PTPN11: variants seen among roughly 807,000 people sequenced by gnomAD.
PTPN11 encodes tyrosine-protein phosphatase non-receptor type 11.
In PTPN11, 6 loss-of-function variants were observed where a neutral mutation model predicts 78.8. The ratio of observed to expected loss-of-function variants is 0.08; its 90% CI spans 0.04 to 0.15. The LOEUF is 0.15. Ranked by LOEUF, PTPN11 falls within the 10% of genes least tolerant of loss-of-function variation. The pLI is 1.00. For synonymous variants in PTPN11, 221 were observed against 263.5 expected (o/e 0.84, Z 1.56); for missense variants, 386 against 744.8 (o/e 0.52, Z 5.61).
At position 112,430,114 on chromosome 12, in the gene PTPN11, G is replaced by T. The variant is rs146217634; in HGVS notation, c.14+10989G>T. Among the ~76,000 whole-genome samples, 317 of 151,986 alleles carry T rather than the reference G, an allele frequency of 2.1e-3. 1 individual carries two copies. The highest frequency in any genetic ancestry group is 0.01 in the Middle Eastern group (3 of 294). On this transcript the variant is annotated intron_variant, in intron 1 of 15. Coordinates refer to ENST00000351677, the MANE Select transcript of PTPN11 (RefSeq NM_002834.5). ...CGGCTCACTGCAACCTCTGCCTCCT[G>T]AGTTCAAGTGATTCTTGTGCCTCAG... is the stretch of plus-strand genomic sequence containing the variant.
At chr12:112,500,134 C>T (rs2038858298) in intron 13 of PTPN11, among the ~76,000 whole-genome samples, 1 of 151,732 alleles carries the variant, frequency 6.6e-6, no homozygotes, top group South Asian at 2.1e-4. Flanking sequence ...ATCCCAGCTA[C>T]TTGGGAGGCT....
rs2038679762 is a variant in PTPN11, at chr12:112,486,565, C to T, written c.1315C>T (p.Leu439=). 6.2e-7 allele frequency: 1 copy of T among 1,613,980 alleles called. No homozygotes were observed. Among genetic ancestry groups the T allele is most frequent in the Non-Finnish European group, 8.5e-7 (1 of 1,180,040 alleles). Residue 439 remains leucine (L), a synonymous_variant, in exon 11 of 16, where the codon CTG becomes TTG. Coordinates refer to ENST00000351677, the MANE Select transcript of PTPN11 (RefSeq NM_002834.5). ...PSDPGGVLDF[L]EEVHHKQESI... is the part of the protein sequence containing the mutation. ...CGACCCTGGGGGCGTGCTGGACTTC[C>T]TGGAGGAGGTGCACCATAAGCAGGA...
Position 112,509,330 on chromosome 12 carries a change from T to C in PTPN11, c.*3538T>C, listed in dbSNP as rs759758035. On this transcript the variant is annotated 3_prime_UTR_variant, in exon 16 of 16. Coordinates refer to ENST00000351677, the MANE Select transcript of PTPN11 (RefSeq NM_002834.5). ...TATTGAACAGTTGGTTTTAGTGTGT[T>C]GTATAACTTTGCTGTATATCAAACT... The C allele has an allele frequency of 6.6e-6, 1 of 152,650 alleles. No individual in the cohort carries two copies. Among genetic ancestry groups the C allele is most frequent in the East Asian group, 1.9e-4 (1 of 5,196 alleles). The allele number at this position is 152,650 out of a possible 1,614,324, so 9.5% of individuals were successfully genotyped here.
At chr12:112,421,317 A>C (rs1198222809) in intron 1 of PTPN11, among the ~76,000 whole-genome samples, 4 of 152,244 alleles carry the variant, frequency 2.6e-5, no homozygotes, top group African/African-American at 9.6e-5. Context: ...ATACATATAC[A>C]CTTGGGAAAC....
chr12:112,447,825 A>G (rs1488018702), intron 2 of PTPN11, among the ~76,000 whole-genome samples: 5 of 134,344 alleles, frequency 3.7e-5, no homozygotes, highest in South Asian at 4.8e-4. Flanking sequence ...TTTTGAGACA[A>G]AGTCTTGCTC....
chr12:112,480,917 C>T (rs1013383676), intron 9 of PTPN11, among the ~76,000 whole-genome samples: 19 of 152,184 alleles, frequency 1.2e-4, no homozygotes, highest in Non-Finnish European at 2.4e-4. Context: ...CAGAACACAT[C>T]ACCAAATAGA....
At chr12:112,470,314 A>G (rs1017778081) in intron 6 of PTPN11, among the ~76,000 whole-genome samples, 5 of 152,218 alleles carry the variant, frequency 3.3e-5, no homozygotes, top group African/African-American at 7.2e-5. Context: ...AATAGCCAGT[A>G]TCTGTATACT....
chr12:112,477,404 T>C (rs895540213), intron 7 of PTPN11, among the ~76,000 whole-genome samples: 1 of 152,220 alleles, frequency 6.6e-6, no homozygotes, highest in African/African-American at 2.4e-5. Flanking sequence ...GCTTCCTATA[T>C]ACCCAATGAT....
At chr12:112,434,610 A>C (rs2037761662) in intron 1 of PTPN11, among the ~76,000 whole-genome samples, 1 of 151,988 alleles carries the variant, frequency 6.6e-6, no homozygotes, top group South Asian at 2.1e-4. Context: ...CCGTCTCAAA[A>C]AAAAAAAAAA....
At chr12:112,462,621 A>G (rs1344851239) in intron 6 of PTPN11, among the ~76,000 whole-genome samples, 1 of 152,220 alleles carries the variant, frequency 6.6e-6, no homozygotes, top group Non-Finnish European at 1.5e-5. Flanking sequence ...GTTTATCATT[A>G]TATTTCAAAA....
At chr12:112,443,250 A>G (rs1001094769) in intron 1 of PTPN11, among the ~76,000 whole-genome samples, 1 of 151,874 alleles carries the variant, frequency 6.6e-6, no homozygotes, top group Admixed American at 6.6e-5. Flanking sequence ...TTGGTCCATT[A>G]TATGTCCAGG....
At chr12:112,456,185 G>A (rs1018748381) in intron 6 of PTPN11, 122 bp downstream of exon 6, 8 of 733,408 alleles carry the variant, frequency 1.1e-5, no homozygotes, top group East Asian at 8.1e-5. Context: ...TTTTTAATTC[G>A]GCCATTGATT....
chr12:112,419,422 C>T (rs1380504008), intron 1 of PTPN11, among the ~76,000 whole-genome samples: 2 of 152,234 alleles, frequency 1.3e-5, no homozygotes, highest in Non-Finnish European at 2.9e-5. Context: ...CGGGTGCCAG[C>T]GGCCAGGCTC....
At chr12:112,451,331 G>C (rs2038076427) in intron 3 of PTPN11, among the ~76,000 whole-genome samples, 1 of 152,196 alleles carries the variant, frequency 6.6e-6, no homozygotes. Context: ...ACTGTTTTCA[G>C]TTGAGTATGG....
Position 112,505,656 on chromosome 12 carries a change from CA to C in PTPN11, c.*33-144del, listed in dbSNP as rs1191524369. On this transcript the variant is annotated intron_variant, in intron 15 of 15. Transcript: ENST00000351677. ...GGGCCACAAGAGTGAAACTCCATCTCAAAAAAAAAAAAAAAAAAAAAAAAAC... is the reference window on the plus strand; with the variant it reads ...GGGCCACAAGAGTGAAACTCCATCTCAAAAAAAAAAAAAAAAAAAAAAAAC... Among the ~76,000 whole-genome samples, 397 of 36,742 alleles carry C rather than the reference CA, an allele frequency of 0.011. 1 individual carries two copies. Among genetic ancestry groups the C allele is most frequent in the African/African-American group, 0.018 (186 of 10,446 alleles). 24.1% of individuals were successfully genotyped at this position (36,742 alleles called of 152,430 possible).
chr12:112,429,519 G>A (rs1367791868), intron 1 of PTPN11, among the ~76,000 whole-genome samples: 3 of 146,000 alleles, frequency 2.1e-5, no homozygotes, highest in Non-Finnish European at 3.0e-5. Context: ...GAGACAGGGT[G>A]GGCCAGGCGC....
intron 12 of PTPN11, 128 bp from the exon 13 acceptor site, chr12:112,488,896 C>A: frequency 7.5e-7 from 1 of 1,329,598 alleles, no homozygotes; most frequent in Non-Finnish European, 1.1e-6. Context: ...GTAGCCATTG[C>A]AACATGCTCA....
At chr12:112,451,156 G>A (rs2038074118) in intron 3 of PTPN11, among the ~76,000 whole-genome samples, 1 of 152,114 alleles carries the variant, frequency 6.6e-6, no homozygotes, top group Non-Finnish European at 1.5e-5. Flanking sequence ...TGCAAATTCA[G>A]GATCTCTTAG....
intron 15 of PTPN11, 23 bp from the exon 16 acceptor site, chr12:112,505,802 C>G (rs2135931782): frequency 6.6e-6 from 1 of 152,444 alleles, no homozygotes; most frequent in Non-Finnish European, 1.5e-5. Context: ...TCCTTAAAAA[C>G]TCTTAACTTA....
Sources: allele counts gnomAD v4.1 joint callset (sites outside exome capture counted in the v4.1 genomes callset), GRCh38; gene constraint gnomAD v4.1.1; transcripts MANE v1.5; gene names NCBI Gene and HGNC (gene_info 2026-07-23, HGNC 2026-07-21).